Variants in LMF1 observed in about 807,000 individuals in gnomAD.
LMF1 encodes lipase maturation factor 1.
In LMF1, 68 loss-of-function variants were observed where a neutral mutation model predicts 60.6. The ratio of observed to expected loss-of-function variants is 1.12; its 90% confidence interval spans 0.92 to 1.37. The LOEUF is 1.37. Ranked by LOEUF, LMF1 falls within the 40% of genes most tolerant of loss-of-function variation. The pLI is 0.00. For synonymous variants in LMF1, 418 were observed against 324.7 expected, an observed-to-expected ratio of 1.29 and a Z score of -3.09; for missense variants, 948 against 767.2, an observed-to-expected ratio of 1.24 and a Z score of -2.78.
At chr16:956,531 C>T (rs1419525608) in intron 1 of LMF1, among the ~76,000 whole-genome samples, 1 of 152,176 alleles carries the variant, frequency 6.6e-6, no homozygotes, top group Non-Finnish European at 1.5e-5. Context: ...GTGGAAGTGG[C>T]TCTATTAACA....
At position 854,214 on chromosome 16, in the gene LMF1, C is replaced by G. The variant is rs1327448138; in HGVS notation, c.*318G>C. 1.7e-6 allele frequency: 1 copy of G among 573,636 alleles called. No individual in the cohort carries two copies. The highest frequency in any genetic ancestry group is 3.3e-6 in the Non-Finnish European group (1 of 304,052). The allele number at this position is 573,636 out of a possible 1,614,324, so 35.5% of individuals were successfully genotyped here. ...GTAGTGGAGGAAGGTGTCAGGATGG[C>G]CATTGTCTCAACTCCTGTGGGCGGC... is the stretch of plus-strand genomic sequence containing the variant. On this transcript the variant is annotated 3_prime_UTR_variant, in exon 11 of 11. Coordinates refer to ENST00000262301, the MANE Select transcript of LMF1 (RefSeq NM_022773.4).
rs538430291 is a variant in LMF1, at chr16:868,834, G to C, written c.1529+110C>G. On this transcript the variant is annotated intron_variant, in intron 10 of 10. Coordinates refer to ENST00000262301, the MANE Select transcript of LMF1 (RefSeq NM_022773.4). ...CCCCACCTCCTGCCTCTGCGGGAGGGAAGGGGCGCTTCCCGTGAGCAGGTG... is the reference window on the plus strand; with the variant it reads ...CCCCACCTCCTGCCTCTGCGGGAGGCAAGGGGCGCTTCCCGTGAGCAGGTG... The C allele has an allele frequency of 1.2e-4, 86 of 731,072 alleles. No homozygotes were observed. In the South Asian group the frequency reaches 1.3e-3, roughly 11 times the overall value. The allele number at this position is 731,072 out of a possible 1,614,324, so 45.3% of individuals were successfully genotyped here. A position where few individuals can be genotyped will look rare whatever the true frequency, so the allele number is the denominator to read the frequency against.
intron 2 of LMF1, among the ~76,000 whole-genome samples, chr16:936,633 CT>C (rs1383447569): frequency 6.6e-6 from 1 of 152,198 alleles, no homozygotes; most frequent in Admixed American, 6.5e-5. Flanking sequence ...ACTCTGTGGG[CT>C]GCAGGATACA....
chr16:860,750 C>T (rs2069438682), intron 10 of LMF1, among the ~76,000 whole-genome samples: 1 of 151,308 alleles, frequency 6.6e-6, no homozygotes. Flanking sequence ...CATGGAATTG[C>T]TTTTGCGCTT....
chr16:941,634 G>A (rs769008539), intron 2 of LMF1, among the ~76,000 whole-genome samples: 6 of 151,978 alleles, frequency 3.9e-5, no homozygotes, highest in South Asian at 2.1e-4. Context: ...CTGGTTTTTC[G>A]TCCTGTTCCT....
chr16:925,086 C>T (rs1212261862), intron 3 of LMF1, among the ~76,000 whole-genome samples: 5 of 152,204 alleles, frequency 3.3e-5, no homozygotes, highest in African/African-American at 7.2e-5. Flanking sequence ...CTGCCCCCTG[C>T]GGAATGGGTG....
chr16:954,283 G>T, intron 2 of LMF1, 74 bp downstream of exon 2: 1 of 1,416,762 alleles, frequency 7.1e-7, no homozygotes, highest in Non-Finnish European at 9.8e-7. Context: ...CTTTCCAAGT[G>T]CCAGGACACC....
chr16:940,671 T>C (rs2072077268), intron 2 of LMF1, among the ~76,000 whole-genome samples: 1 of 152,052 alleles, frequency 6.6e-6, no homozygotes. Flanking sequence ...AACTGGAAAA[T>C]GAGTGGGAGA....
chr16:877,695 T>C (rs111944575), intron 6 of LMF1, among the ~76,000 whole-genome samples: 12,298 of 151,974 alleles, frequency 0.081, 1,003 homozygotes, highest in African/African-American at 0.21. Flanking sequence ...TGGCGGGCCC[T>C]CCCTGCTGTG....
intron 2 of LMF1, among the ~76,000 whole-genome samples, chr16:938,862 G>T (rs932871224): frequency 2.0e-5 from 3 of 152,218 alleles, no homozygotes; most frequent in African/African-American, 7.2e-5. Context: ...CCTTAAAAGT[G>T]TAAGGAAAAA....
intron 3 of LMF1, among the ~76,000 whole-genome samples, chr16:915,844 AGGGGCCGGAGCACGTGGGACGCG>A (rs948521353): frequency 2.0e-5 from 3 of 151,754 alleles, no homozygotes; most frequent in Admixed American, 6.6e-5. Context: ...GGTGAGATGC[AGGGGCCGGAGCACGTGGGACGCG>A]GGGGCCGGAG....
At chr16:930,257 G>A (rs544153072) in intron 3 of LMF1, among the ~76,000 whole-genome samples, 1 of 140,676 alleles carries the variant, frequency 7.1e-6, no homozygotes, top group East Asian at 2.1e-4. Context: ...AGTCGCGTCC[G>A]TCTGAACAGG....
Position 962,772 on chromosome 16 carries a change from C to T in LMF1, c.193+8016G>A, listed in dbSNP as rs570004244. On this transcript the variant is annotated intron_variant, in intron 1 of 10. Coordinates refer to ENST00000262301, the MANE Select transcript of LMF1 (RefSeq NM_022773.4). The surrounding 1 kb of genome is among the most constrained non-coding windows in gnomAD (Gnocchi z 4.5). Reference sequence around the variant, plus strand: ...ACCGGGTCCCAGAACGGAACAGGCACGGGTGGAAAAGCCATAGAGTCTGCA... The same window carrying T: ...ACCGGGTCCCAGAACGGAACAGGCATGGGTGGAAAAGCCATAGAGTCTGCA... Among the ~76,000 whole-genome samples the T allele has an allele frequency of 7.9e-5, 12 of 152,158 alleles. No homozygotes were observed. Among genetic ancestry groups the T allele is most frequent in the East Asian group, 1.9e-4 (1 of 5,170 alleles).
intron 4 of LMF1, among the ~76,000 whole-genome samples, chr16:895,757 A>G (rs2070645589): frequency 6.6e-6 from 1 of 152,232 alleles, no homozygotes. Flanking sequence ...CCGGCCCTAC[A>G]GGAACACCAA....
At chr16:915,688 C>T (rs996726920) in intron 3 of LMF1, among the ~76,000 whole-genome samples, 1 of 152,198 alleles carries the variant, frequency 6.6e-6, no homozygotes, top group Non-Finnish European at 1.5e-5. Context: ...GCTGGCCAGG[C>T]AGAGTGCTGG....
intron 4 of LMF1, among the ~76,000 whole-genome samples, chr16:908,114 G>T (rs1329661872): frequency 2.0e-5 from 3 of 152,190 alleles, no homozygotes; most frequent in Non-Finnish European, 4.4e-5. Flanking sequence ...TGGAAATGCT[G>T]CATCCACATC....
At chr16:934,212 C>A (rs747370202) in intron 3 of LMF1, 32 bp downstream of exon 3, 1 of 1,599,296 alleles carries the variant, frequency 6.3e-7, no homozygotes, top group Admixed American at 1.7e-5. Context: ...GCTCAACTCT[C>A]GCAGAGCTTT....
intron 1 of LMF1, chr16:976,186 G>GAA: frequency 4.4e-6 from 2 of 452,340 alleles, no homozygotes; most frequent in Non-Finnish European, 8.9e-6. Flanking sequence ...CCAGTGCCTG[G>GAA]GCCACGGATG....
At chr16:858,421 G>A (rs1273843577) in intron 10 of LMF1, among the ~76,000 whole-genome samples, 1 of 53,580 alleles carries the variant, frequency 1.9e-5, no homozygotes, top group Admixed American at 1.4e-4. Flanking sequence ...CACGGGACGG[G>A]TGTGAGTGGT....
Sources: allele counts gnomAD v4.1 joint callset (sites outside exome capture counted in the v4.1 genomes callset), GRCh38; gene constraint gnomAD v4.1.1; non-coding constraint Gnocchi (gnomAD v3.1); transcripts MANE v1.5; gene names NCBI Gene and HGNC (gene_info 2026-07-23, HGNC 2026-07-21).